Variants in ARL13B observed in about 807,000 individuals in gnomAD.
ARL13B encodes the protein ARF like GTPase 13B.
In ARL13B, 36 loss-of-function variants were observed where a neutral mutation model predicts 56.1. The observed-to-expected ratio is 0.64, with a 90% CI of 0.49 to 0.85. The LOEUF (loss-of-function observed/expected upper bound fraction) is 0.85, where lower values mean the gene tolerates loss of function less well. Ranked by LOEUF, ARL13B falls within the 40% of genes least tolerant of loss-of-function variation. The probability of loss-of-function intolerance (pLI) is 0.00; values close to 1 mark genes in which losing one functional copy is unlikely to be tolerated. For synonymous variants in ARL13B, 178 were observed against 171.1 expected, an observed-to-expected ratio of 1.04 and a Z score of -0.32; for missense variants, 519 against 507.1, an observed-to-expected ratio of 1.02 and a Z score of -0.23.
At chr3:94,038,684 CG>C (rs1293338162) in intron 5 of ARL13B, among the ~76,000 whole-genome samples, 2 of 151,784 alleles carry the variant, frequency 1.3e-5, no homozygotes, top group Non-Finnish European at 2.9e-5. Flanking sequence ...CCACCACACC[CG>C]GCTAATTTTG....
intron 3 of ARL13B, among the ~76,000 whole-genome samples, chr3:94,032,951 A>G (rs2076703098): frequency 6.6e-6 from 1 of 152,250 alleles, no homozygotes; most frequent in Non-Finnish European, 1.5e-5. Flanking sequence ...TAGCAAAGGT[A>G]GGGAGTCAAC....
chr3:93,984,840 G>A lies in ARL13B; in HGVS notation c.59+4358G>A, dbSNP rs192915263. Among the ~76,000 whole-genome samples the A allele has an allele frequency of 4.6e-5, 7 of 152,106 alleles. No individual in the cohort carries two copies. The East Asian group carries it at 5.8e-4, about 13-fold the overall frequency. ...TGGGCAATATAGTGAGACCCCATCC[G>A]TACAAAAATGTTTTAAAAAATTAGC... is the stretch of plus-strand genomic sequence containing the variant. On this transcript the variant is annotated intron_variant, in intron 1 of 9. Coordinates refer to ENST00000394222, the MANE Select transcript of ARL13B (RefSeq NM_001174150.2).
At chr3:94,043,337 C>A in intron 7 of ARL13B, 97 bp downstream of exon 7, 1 of 1,121,652 alleles carries the variant, frequency 8.9e-7, no homozygotes, top group Non-Finnish European at 1.3e-6. Context: ...CAAACGAGTA[C>A]TTCAATATTT....
At chr3:93,986,694 CATG>C (rs1710479184) in intron 1 of ARL13B, among the ~76,000 whole-genome samples, 1 of 152,146 alleles carries the variant, frequency 6.6e-6, no homozygotes, top group Admixed American at 6.5e-5. Flanking sequence ...ATGGGCCAGG[CATG>C]ATGGCTCGCA....
At chr3:94,009,577 T>G (rs753224128) in intron 3 of ARL13B, among the ~76,000 whole-genome samples, 3 of 152,114 alleles carry the variant, frequency 2.0e-5, no homozygotes, top group Non-Finnish European at 4.4e-5. Flanking sequence ...GACCTATAGA[T>G]ATGGAATTAC....
At chr3:93,982,937 A>G (rs1710288129) in intron 1 of ARL13B, among the ~76,000 whole-genome samples, 1 of 152,170 alleles carries the variant, frequency 6.6e-6, no homozygotes, top group African/African-American at 2.4e-5. Context: ...TTGTGCTTTT[A>G]TGGTGTTCTC....
chr3:94,000,934 T>A (rs1015572392), intron 2 of ARL13B, among the ~76,000 whole-genome samples: 1 of 152,054 alleles, frequency 6.6e-6, no homozygotes, highest in Non-Finnish European at 1.5e-5. Context: ...GATGGATAAA[T>A]ACATGAAAGG....
chr3:94,043,457 A>C (rs1442611380), intron 7 of ARL13B, among the ~76,000 whole-genome samples: 1 of 150,264 alleles, frequency 6.7e-6, no homozygotes, highest in Non-Finnish European at 1.5e-5. Context: ...TGTAACTTAT[A>C]AGGATTTCAG....
At chr3:94,039,109 C>T (rs1363910175) in intron 5 of ARL13B, among the ~76,000 whole-genome samples, 3 of 152,070 alleles carry the variant, frequency 2.0e-5, no homozygotes, top group Admixed American at 1.3e-4. Flanking sequence ...AAACAAGAAA[C>T]ATGTTTATGC....
intron 7 of ARL13B, among the ~76,000 whole-genome samples, chr3:94,045,968 GAAAAA>G (rs369419536): frequency 8.0e-6 from 1 of 124,906 alleles, no homozygotes; most frequent in Non-Finnish European, 1.7e-5. Context: ...AAAAAAAAAA[GAAAAA>G]AAAAAGACAT....
chr3:93,980,351 G>A lies in ARL13B; in HGVS notation c.-73G>A. On this transcript the variant is annotated 5_prime_UTR_variant, in exon 1 of 10. Coordinates refer to ENST00000394222, the MANE Select transcript of ARL13B (RefSeq NM_001174150.2). ...TTAGGGGCGTCTCGGAGTGCCGGAG[G>A]CCCCCGGGGAAGAGCGGGGTGCCGG... The A allele has an allele frequency of 6.3e-7, 1 of 1,584,792 alleles. No individual in the cohort carries two copies. Among genetic ancestry groups the A allele is most frequent in the Non-Finnish European group, 8.6e-7 (1 of 1,162,600 alleles).
rs1348937323 is a variant in ARL13B, at chr3:93,984,135, C to T, written c.59+3653C>T. 3.9e-5 allele frequency among the ~76,000 whole-genome samples: 6 copies of T among 152,310 alleles called. No individual in the cohort carries two copies. The East Asian group carries it at 1.2e-3, about 29-fold the overall frequency. ...CTTTGGGAGGCTGAGGTGGGCAGAT[C>T]ACTTGAGGTCAAAAGTTCAAGACCA... On this transcript the variant is annotated intron_variant, in intron 1 of 9. Transcript: ENST00000394222.
At chr3:93,990,373 TG>T (rs1452398674) in intron 1 of ARL13B, among the ~76,000 whole-genome samples, 1 of 152,018 alleles carries the variant, frequency 6.6e-6, no homozygotes, top group African/African-American at 2.4e-5. Flanking sequence ...AATTTTTTTT[TG>T]ATTTTGGAAT....
chr3:94,036,913 T>G (rs2076779207), intron 5 of ARL13B, among the ~76,000 whole-genome samples, 159 bp downstream of exon 5: 1 of 152,164 alleles, frequency 6.6e-6, no homozygotes, highest in African/African-American at 2.4e-5. Flanking sequence ...CTGTACAAGT[T>G]TGGGTGGTAG....
intron 3 of ARL13B, among the ~76,000 whole-genome samples, chr3:94,011,975 T>C (rs2076231693): frequency 6.6e-6 from 1 of 152,162 alleles, no homozygotes; most frequent in African/African-American, 2.4e-5. Context: ...AAATCTATTG[T>C]TATTTTACTG....
At chr3:94,003,260 A>G (rs576038306) in intron 2 of ARL13B, among the ~76,000 whole-genome samples, 1 of 152,210 alleles carries the variant, frequency 6.6e-6, no homozygotes, top group South Asian at 2.1e-4. Flanking sequence ...CTATTCTCTA[A>G]GTGTTCATGG....
At position 94,043,479 on chromosome 3, in the gene ARL13B, A is replaced by G. The variant is rs1004164558; in HGVS notation, c.1024+239A>G. Among the ~76,000 whole-genome samples the G allele has an allele frequency of 3.4e-5, 5 of 146,968 alleles. No individual in the cohort carries two copies. In the East Asian group the frequency reaches 6.3e-4, roughly 18 times the overall value. On this transcript the variant is annotated intron_variant, in intron 7 of 9. Transcript: ENST00000394222. ...TATAAGGATTTCAGCAGAAAATTCCATTTTTATTTTCATAAATTTGGGATA... is the reference window on the plus strand; with the variant it reads ...TATAAGGATTTCAGCAGAAAATTCCGTTTTTATTTTCATAAATTTGGGATA...
intron 1 of ARL13B, among the ~76,000 whole-genome samples, chr3:93,982,348 C>T (rs1305049318): frequency 6.6e-6 from 1 of 152,132 alleles, no homozygotes; most frequent in Non-Finnish European, 1.5e-5. Context: ...TTTGTCCTGT[C>T]CAGTAGGGTA....
At chr3:94,052,422 C>T (rs1422470903) in intron 9 of ARL13B, among the ~76,000 whole-genome samples, 1 of 151,870 alleles carries the variant, frequency 6.6e-6, no homozygotes, top group Non-Finnish European at 1.5e-5. Flanking sequence ...TGTACATGGG[C>T]AGTTAGGGAA....
Sources: gnomAD v4.1 joint callset for allele counts (sites outside exome capture counted in the v4.1 genomes callset) on GRCh38, gnomAD v4.1.1 for gene constraint, MANE v1.5 for transcripts, NCBI Gene and HGNC (gene_info 2026-07-23, HGNC 2026-07-21) for gene names.